The following NMNAT2 variants were observed in gnomAD, a reference collection of about 807,000 sequenced individuals.
NMNAT2 encodes nicotinamide nucleotide adenylyltransferase 2.
NMNAT2 carries 11 observed loss-of-function variants against 41.6 expected under a neutral mutation model. That is an observed-to-expected ratio of 0.26 (90% CI 0.17 to 0.44). NMNAT2 has a LOEUF of 0.44. NMNAT2 is among the 20% of genes least tolerant of loss of function. NMNAT2 has a pLI of 1.00. For missense variants in NMNAT2, 288 were observed against 407.7 expected (o/e 0.71, Z 2.53); for synonymous variants, 148 against 151.2 (o/e 0.98, Z 0.16).
intron 1 of NMNAT2, among the ~76,000 whole-genome samples, chr1:183,324,379 T>C (rs1410432235): frequency 6.6e-6 from 1 of 152,148 alleles, no homozygotes; most frequent in Non-Finnish European, 1.5e-5. Flanking sequence ...CATAGGAAAA[T>C]AAATAAAATT....
chr1:183,304,941 A>C, intron 1 of NMNAT2: 1 of 1,308,928 alleles, frequency 7.6e-7, no homozygotes, highest in South Asian at 1.5e-5. Context: ...CTTCTGCCAG[A>C]CCATGCTGAG....
At chr1:183,361,244 A>T (rs1421280424) in intron 1 of NMNAT2, among the ~76,000 whole-genome samples, 1 of 152,164 alleles carries the variant, frequency 6.6e-6, no homozygotes, top group East Asian at 1.9e-4. Context: ...TGCTACTCAC[A>T]TCAGGGGACC....
chr1:183,355,710 G>T (rs572802419), intron 1 of NMNAT2, among the ~76,000 whole-genome samples: 1 of 152,346 alleles, frequency 6.6e-6, no homozygotes, highest in East Asian at 1.9e-4. Context: ...GGCTCCTGTG[G>T]CTCACTCTGC....
intron 1 of NMNAT2, among the ~76,000 whole-genome samples, chr1:183,410,142 C>T (rs1441884727): frequency 7.1e-6 from 1 of 140,192 alleles, no homozygotes; most frequent in Non-Finnish European, 1.5e-5. Flanking sequence ...AATCCTGTCT[C>T]TACAAAAATA....
intron 1 of NMNAT2, among the ~76,000 whole-genome samples, chr1:183,327,426 G>A (rs540270044): frequency 4.6e-5 from 7 of 152,144 alleles, no homozygotes; most frequent in Admixed American, 3.9e-4. Context: ...TTCACACAGC[G>A]AATTATGAAG....
chr1:183,412,682 T>C (rs184079249), intron 1 of NMNAT2, among the ~76,000 whole-genome samples: 1 of 152,348 alleles, frequency 6.6e-6, no homozygotes, highest in African/African-American at 2.4e-5. Flanking sequence ...TAGTTATATT[T>C]TGAAGATAAA....
At chr1:183,310,029 C>A (rs986485645) in intron 1 of NMNAT2, among the ~76,000 whole-genome samples, 2 of 152,146 alleles carry the variant, frequency 1.3e-5, no homozygotes, top group African/African-American at 4.8e-5. Context: ...CATGGAAATT[C>A]GCTTTGAGCA....
chr1:183,258,207 G>A (rs900243221), intron 10 of NMNAT2, among the ~76,000 whole-genome samples: 1 of 152,100 alleles, frequency 6.6e-6, no homozygotes, highest in Non-Finnish European at 1.5e-5. Flanking sequence ...CCTACTTCCT[G>A]TTCTCTCCTA....
intron 8 of NMNAT2, among the ~76,000 whole-genome samples, chr1:183,266,028 C>T (rs1056370555): frequency 9.2e-5 from 14 of 152,160 alleles, no homozygotes; most frequent in African/African-American, 2.2e-4. Context: ...CCAATGAATG[C>T]GACAAATGCA....
intron 1 of NMNAT2, among the ~76,000 whole-genome samples, chr1:183,376,138 A>G (rs117427431): frequency 6.6e-6 from 1 of 152,224 alleles, no homozygotes; most frequent in Non-Finnish European, 1.5e-5. Flanking sequence ...TTCAGCTAAC[A>G]TTTATGAGGA....
intron 1 of NMNAT2, among the ~76,000 whole-genome samples, chr1:183,340,007 CAG>C (rs1363650669): frequency 6.6e-6 from 1 of 152,250 alleles, no homozygotes; most frequent in East Asian, 1.9e-4. Flanking sequence ...GGCAGATCAG[CAG>C]AGTCACTTAG....
chr1:183,335,259 G>A (rs74129743), intron 1 of NMNAT2, among the ~76,000 whole-genome samples: 1,821 of 152,270 alleles, frequency 0.012, 30 homozygotes, highest in African/African-American at 0.041. Flanking sequence ...CTACTCAGAT[G>A]TCCAAATTAA....
At chr1:183,383,282 C>T (rs1462479312) in intron 1 of NMNAT2, among the ~76,000 whole-genome samples, 2 of 152,180 alleles carry the variant, frequency 1.3e-5, no homozygotes, top group African/African-American at 4.8e-5. Context: ...GCCCAGCCCA[C>T]GAAACCATTC....
At chr1:183,317,808 G>C (rs887262475) in intron 1 of NMNAT2, among the ~76,000 whole-genome samples, 1 of 152,182 alleles carries the variant, frequency 6.6e-6, no homozygotes, top group African/African-American at 2.4e-5. Flanking sequence ...CACTAGCAGA[G>C]GGAAAGGCTT....
intron 1 of NMNAT2, among the ~76,000 whole-genome samples, chr1:183,297,127 C>G (rs969612509): frequency 4.7e-5 from 7 of 150,420 alleles, no homozygotes; most frequent in African/African-American, 1.7e-4. Context: ...ATCTAGCATG[C>G]CTTCCCTGCC....
At chr1:183,272,533 C>A (rs1488227722) in intron 8 of NMNAT2, among the ~76,000 whole-genome samples, 1 of 152,168 alleles carries the variant, frequency 6.6e-6, no homozygotes, top group Admixed American at 6.5e-5. Context: ...GCTAATGGAT[C>A]TTTGTGCCTA....
chr1:183,329,086 T>C (rs1383159559), intron 1 of NMNAT2, among the ~76,000 whole-genome samples: 1 of 151,962 alleles, frequency 6.6e-6, no homozygotes, highest in African/African-American at 2.4e-5. Context: ...ACTGCAAGGG[T>C]TCCCTACAGC....
intron 7 of NMNAT2, among the ~76,000 whole-genome samples, chr1:183,281,879 C>T (rs568537657): frequency 5.2e-5 from 8 of 152,384 alleles, no homozygotes; most frequent in South Asian, 2.1e-4. Context: ...CCTCACACAG[C>T]GCAGGAGTCG....
intron 1 of NMNAT2, among the ~76,000 whole-genome samples, chr1:183,348,211 T>C (rs752980710): frequency 1.2e-4 from 18 of 152,236 alleles, no homozygotes; most frequent in Non-Finnish European, 2.6e-4. Flanking sequence ...AGGCATCTTT[T>C]AGAGGTTTTT....
Sources: gnomAD v4.1 joint callset for allele counts (sites outside exome capture counted in the v4.1 genomes callset) on GRCh38, gnomAD v4.1.1 for gene constraint, MANE v1.5 for transcripts, NCBI Gene and HGNC (gene_info 2026-07-23, HGNC 2026-07-21) for gene names.